Variants in ETS1 observed in about 807,000 individuals in gnomAD.
ETS1 encodes protein C-ets-1.
A neutral mutation model predicts 58.6 loss-of-function variants in ETS1; 15 were observed. The observed-to-expected ratio is 0.26, with a 90% CI of 0.17 to 0.39. ETS1 has a LOEUF of 0.39. ETS1 is among the 10% of genes least tolerant of loss of function. The pLI is 1.00. For synonymous variants in ETS1, 214 were observed against 218.2 expected, an observed-to-expected ratio of 0.98 and a Z score of 0.17; for missense variants, 417 against 610.5, an observed-to-expected ratio of 0.68 and a Z score of 3.34.
At chr11:128,466,296 G>T (rs991563366) in intron 8 of ETS1, among the ~76,000 whole-genome samples, 3 of 152,126 alleles carry the variant, frequency 2.0e-5, no homozygotes, top group African/African-American at 7.2e-5. Context: ...GGGGCACGGG[G>T]TCTCATGACA....
chr11:128,549,654 A>T lies in ETS1; in HGVS notation c.214+6637T>A, dbSNP rs1864198695. 6.6e-6 allele frequency among the ~76,000 whole-genome samples: 1 copy of T among 152,180 alleles called. No homozygotes were observed. The highest frequency in any genetic ancestry group is 1.5e-5 in the Non-Finnish European group (1 of 68,032). On this transcript the variant is annotated intron_variant, in intron 3 of 9. Coordinates refer to ENST00000392668, the MANE Select transcript of ETS1 (RefSeq NM_001143820.2). The surrounding 1 kb of genome is among the most constrained non-coding windows in gnomAD (Gnocchi z 4.3). The stretch of plus-strand genomic sequence containing the variant: ...CTTTCCACTGTCACTCCACGAACCC[A>T]GCCCAGAGGCTTCGGTTTGTCTGTC...
chr11:128,498,521 T>C (rs1711543552), intron 3 of ETS1, among the ~76,000 whole-genome samples: 1 of 152,232 alleles, frequency 6.6e-6, no homozygotes, highest in Admixed American at 6.5e-5. Context: ...GCCGTGACAC[T>C]TCAGAACTAC....
At chr11:128,496,685 C>T (rs1203261983) in intron 3 of ETS1, among the ~76,000 whole-genome samples, 2 of 152,194 alleles carry the variant, frequency 1.3e-5, no homozygotes, top group African/African-American at 4.8e-5. Flanking sequence ...CAAAGAAAGA[C>T]AGTCTCTATT....
At chr11:128,495,088 A>G (rs1251056792) in intron 3 of ETS1, among the ~76,000 whole-genome samples, 4 of 152,130 alleles carry the variant, frequency 2.6e-5, no homozygotes, top group Non-Finnish European at 4.4e-5. Flanking sequence ...TAAACATAAA[A>G]CTGGAGGGGC....
intron 3 of ETS1, among the ~76,000 whole-genome samples, chr11:128,516,126 G>C (rs1863517331): frequency 6.6e-6 from 1 of 152,246 alleles, no homozygotes; most frequent in Admixed American, 6.5e-5. Context: ...AGAAGGAAAA[G>C]GGGGTGCAGA....
chr11:128,506,083 C>T (rs1260460445), intron 3 of ETS1, among the ~76,000 whole-genome samples: 1 of 152,136 alleles, frequency 6.6e-6, no homozygotes, highest in Non-Finnish European at 1.5e-5. Flanking sequence ...ATCAGGAATA[C>T]GAGCCCTTCT....
chr11:128,552,518 T>A (rs1334138695), intron 3 of ETS1, among the ~76,000 whole-genome samples: 1 of 152,220 alleles, frequency 6.6e-6, no homozygotes, highest in Non-Finnish European at 1.5e-5. Context: ...TTTGCAAAAG[T>A]GTACTTTGCT....
chr11:128,549,648 G>A lies in ETS1; in HGVS notation c.214+6643C>T, dbSNP rs1468088131. On this transcript the variant is annotated intron_variant, in intron 3 of 9. Transcript: ENST00000392668. The surrounding 1 kb of genome is among the most constrained non-coding windows in gnomAD (Gnocchi z 4.3). ...GCTTGCCTTTCCACTGTCACTCCAC[G>A]AACCCAGCCCAGAGGCTTCGGTTTG... is the stretch of plus-strand genomic sequence containing the variant. Among the ~76,000 whole-genome samples, 2 of 152,282 alleles carry A rather than the reference G, an allele frequency of 1.3e-5. No individual in the cohort carries two copies. The highest frequency in any genetic ancestry group is 2.9e-5 in the Non-Finnish European group (2 of 68,026).
intron 7 of ETS1, 90 bp downstream of exon 7, chr11:128,484,733 T>C (rs1397486147): frequency 2.4e-6 from 3 of 1,262,686 alleles, no homozygotes; most frequent in Non-Finnish European, 2.2e-6. Context: ...GTCTAATAAA[T>C]AAGAAAAAAA....
intron 3 of ETS1, among the ~76,000 whole-genome samples, chr11:128,509,193 C>A (rs1036603302): frequency 1.3e-5 from 2 of 152,224 alleles, no homozygotes; most frequent in Non-Finnish European, 2.9e-5. Flanking sequence ...AAGCTCCCTG[C>A]AAGAGAGACC....
chr11:128,520,297 G>A (rs1863631890), intron 3 of ETS1, among the ~76,000 whole-genome samples: 2 of 152,082 alleles, frequency 1.3e-5, no homozygotes, highest in African/African-American at 4.8e-5. Flanking sequence ...GTGTTGCCAG[G>A]GCTCTTTTTC....
intron 3 of ETS1, among the ~76,000 whole-genome samples, chr11:128,544,244 G>C (rs1446054905): frequency 6.6e-6 from 1 of 150,378 alleles, no homozygotes; most frequent in Non-Finnish European, 1.5e-5. Flanking sequence ...GATAAAAATA[G>C]GCATAGAGCA....
chr11:128,568,234 C>T (rs1384677635), intron 2 of ETS1, among the ~76,000 whole-genome samples: 5 of 152,286 alleles, frequency 3.3e-5, no homozygotes, highest in Middle Eastern at 3.4e-3. Flanking sequence ...GGAACTCCTC[C>T]GCACATCCTC....
intron 3 of ETS1, among the ~76,000 whole-genome samples, chr11:128,555,797 A>C (rs1445011597): frequency 6.6e-6 from 1 of 152,238 alleles, no homozygotes; most frequent in African/African-American, 2.4e-5. Context: ...ACCAGAGGGC[A>C]GCACTGCCAC....
At chr11:128,555,929 C>A (rs1450161214) in intron 3 of ETS1, among the ~76,000 whole-genome samples, 1 of 152,244 alleles carries the variant, frequency 6.6e-6, no homozygotes, top group South Asian at 2.1e-4. Flanking sequence ...AGCATGTTCT[C>A]TAAGAAGGCC....
chr11:128,516,846 T>G (rs1356445480), intron 3 of ETS1, among the ~76,000 whole-genome samples: 3 of 152,198 alleles, frequency 2.0e-5, no homozygotes, highest in Middle Eastern at 3.2e-3. Context: ...GAAAATGAAC[T>G]AGTTTGCCAA....
intron 2 of ETS1, among the ~76,000 whole-genome samples, chr11:128,561,713 C>T (rs1411983047): frequency 6.6e-6 from 1 of 152,154 alleles, no homozygotes; most frequent in African/African-American, 2.4e-5. Context: ...TATGTTTATG[C>T]AGTGAAAATG....
intron 3 of ETS1, among the ~76,000 whole-genome samples, chr11:128,508,704 T>C (rs752949648): frequency 6.6e-6 from 1 of 152,166 alleles, no homozygotes; most frequent in Non-Finnish European, 1.5e-5. Context: ...CTGACAAATA[T>C]AAGAACCAAG....
chr11:128,480,724 A>T (rs1046612522), intron 7 of ETS1, among the ~76,000 whole-genome samples: 2 of 152,194 alleles, frequency 1.3e-5, no homozygotes, highest in African/African-American at 4.8e-5. Flanking sequence ...AACGTTGCTC[A>T]CATCTGTCGG....
Sources: allele counts gnomAD v4.1 joint callset (sites outside exome capture counted in the v4.1 genomes callset), GRCh38; gene constraint gnomAD v4.1.1; non-coding constraint Gnocchi (gnomAD v3.1); transcripts MANE v1.5; gene names NCBI Gene and HGNC (gene_info 2026-07-23, HGNC 2026-07-21).